Variants in IL1RAPL2 observed in about 807,000 individuals in gnomAD.
IL1RAPL2 encodes X-linked interleukin-1 receptor accessory protein-like 2.
Under a neutral mutation model 44.1 loss-of-function variants are expected in IL1RAPL2, and 3 were observed. That is an observed-to-expected ratio of 0.07 (90% CI 0.03 to 0.18). IL1RAPL2 has a LOEUF of 0.18. Among genes scored for constraint, IL1RAPL2 ranks in the 10% least tolerant of loss-of-function variants. IL1RAPL2 has a pLI of 1.00. For synonymous variants in IL1RAPL2, 181 were observed against 178.8 expected (o/e 1.01, Z -0.10); for missense variants, 391 against 496.4 (o/e 0.79, Z 2.02).
In IL1RAPL2 at chrX:104,893,898, T is replaced by G. The variant is rs766407750; in HGVS notation, c.82+234903T>G. The stretch of plus-strand genomic sequence containing the variant: ...TCCTAGCCTGGATGGTCTTTAAAAT[T>G]TGGCATGTTTTTGCAGTGGCTGGTA... On this transcript the variant is annotated intron_variant, in intron 2 of 10. Coordinates refer to ENST00000372582, the MANE Select transcript of IL1RAPL2 (RefSeq NM_017416.2). Among the ~76,000 whole-genome samples the G allele has an allele frequency of 3.4e-4, 38 of 112,211 alleles. 1 individual carries two copies. The highest frequency in any genetic ancestry group is 5.6e-4 in the East Asian group (2 of 3,563).
chrX:104,887,892 A>G (rs1222278028), intron 2 of IL1RAPL2, among the ~76,000 whole-genome samples: 1 of 111,720 alleles, frequency 9.0e-6, no homozygotes, highest in Non-Finnish European at 1.9e-5. Context: ...TCCCCCAGGG[A>G]CCAGCGCCCA....
intron 2 of IL1RAPL2, among the ~76,000 whole-genome samples, chrX:104,778,039 T>C (rs900308018): frequency 9.0e-6 from 1 of 111,522 alleles, no homozygotes; most frequent in Admixed American, 9.5e-5. Flanking sequence ...TTATTTTTGA[T>C]AGTAACTATC....
chrX:105,292,940 C>T (rs1603050589), intron 5 of IL1RAPL2, among the ~76,000 whole-genome samples: 1 of 109,000 alleles, frequency 9.2e-6, no homozygotes, highest in East Asian at 2.9e-4. Flanking sequence ...GGTGAAACTC[C>T]ATCTCTACTA....
chrX:105,223,959 G>A (rs1468757175), intron 3 of IL1RAPL2, among the ~76,000 whole-genome samples: 1 of 111,315 alleles, frequency 9.0e-6, no homozygotes, highest in Non-Finnish European at 1.9e-5. Context: ...TTGAATTATA[G>A]TTGAATGGCT....
chrX:104,636,473 A>C (rs1929809039), intron 1 of IL1RAPL2, among the ~76,000 whole-genome samples: 1 of 112,152 alleles, frequency 8.9e-6, no homozygotes, highest in Admixed American at 9.4e-5. Context: ...GGTCTCCTTG[A>C]GCTGCGGTGG....
chrX:105,070,120 T>G (rs2032187092), intron 2 of IL1RAPL2, among the ~76,000 whole-genome samples: 1 of 112,102 alleles, frequency 8.9e-6, no homozygotes, highest in Non-Finnish European at 1.9e-5. Context: ...CCTTATTATC[T>G]GGGCAAAACC....
chrX:105,043,140 A>T (rs1171006282), intron 2 of IL1RAPL2, among the ~76,000 whole-genome samples: 3 of 107,959 alleles, frequency 2.8e-5, no homozygotes, highest in Non-Finnish European at 5.8e-5. Flanking sequence ...ATGACGAGTT[A>T]GTGGGTTCAG....
At chrX:104,667,550 T>A (rs1569292927) in intron 2 of IL1RAPL2, among the ~76,000 whole-genome samples, 1 of 111,804 alleles carries the variant, frequency 8.9e-6, no homozygotes. Context: ...TTAGAGTAGC[T>A]AAATAATTTG....
rs574412707 is a variant in IL1RAPL2 at position 104,856,012 on chromosome X, C to T, written c.82+197017C>T. 4.5e-5 allele frequency among the ~76,000 whole-genome samples: 5 copies of T among 110,147 alleles called. No individual in the cohort carries two copies. In the South Asian group the frequency reaches 1.6e-3, roughly 35 times the overall value. Reference sequence around the variant, plus strand: ...TAATGAGGACAGTATAGCATCTTACCACATAAATTTGTGGTGTGAGTTAAA... The same window carrying T: ...TAATGAGGACAGTATAGCATCTTACTACATAAATTTGTGGTGTGAGTTAAA... On this transcript the variant is annotated intron_variant, in intron 2 of 10. Coordinates refer to ENST00000372582, the MANE Select transcript of IL1RAPL2 (RefSeq NM_017416.2).
At chrX:104,732,992 A>T (rs1022347824) in intron 2 of IL1RAPL2, among the ~76,000 whole-genome samples, 6 of 112,002 alleles carry the variant, frequency 5.4e-5, no homozygotes, top group African/African-American at 1.9e-4. Context: ...AAATTATTTA[A>T]TGTCTTTGAT....
chrX:105,471,895 T>G (rs1201264974), intron 5 of IL1RAPL2, among the ~76,000 whole-genome samples: 1 of 111,682 alleles, frequency 9.0e-6, no homozygotes, highest in African/African-American at 3.3e-5. Flanking sequence ...CTAAAGATAC[T>G]CTCAGAGAAA....
chrX:104,761,976 TTCTTCTTCC>T (rs1932465850), intron 2 of IL1RAPL2, among the ~76,000 whole-genome samples: 1 of 88,956 alleles, frequency 1.1e-5, no homozygotes, highest in Non-Finnish European at 2.2e-5. Context: ...CTTCTTCTTC[TTCTTCTTCC>T]TCCTCCTCCT....
intron 1 of IL1RAPL2, among the ~76,000 whole-genome samples, chrX:104,578,458 G>A (rs755904747): frequency 8.9e-6 from 1 of 111,799 alleles, no homozygotes; most frequent in South Asian, 3.8e-4. Flanking sequence ...ATCCTGAGCT[G>A]GATCTACCAG....
At chrX:105,220,870 C>T (rs2033955900) in intron 3 of IL1RAPL2, among the ~76,000 whole-genome samples, 1 of 111,879 alleles carries the variant, frequency 8.9e-6, no homozygotes, top group Non-Finnish European at 1.9e-5. Flanking sequence ...TCAGAAAAGA[C>T]TTAGAACCAA....
intron 2 of IL1RAPL2, among the ~76,000 whole-genome samples, chrX:105,060,074 G>A (rs972324799): frequency 9.0e-6 from 1 of 111,664 alleles, no homozygotes; most frequent in African/African-American, 3.3e-5. Flanking sequence ...CGCTAACAGT[G>A]TTCAAGGGCT....
At chrX:105,077,140 G>T (rs147701007) in intron 2 of IL1RAPL2, among the ~76,000 whole-genome samples, 14 of 111,517 alleles carry the variant, frequency 1.3e-4, no homozygotes, top group African/African-American at 4.6e-4. Context: ...TCCTAGCCTT[G>T]ATGGTCTTTA....
chrX:105,218,998 C>G (rs1361967785), intron 3 of IL1RAPL2: 5 of 1,208,256 alleles, frequency 4.1e-6, no homozygotes, highest in Non-Finnish European at 5.6e-6. Flanking sequence ...TCCCTTCCCA[C>G]AGTCGAAGCA....
chrX:105,578,548 A>C (rs1041763873), intron 6 of IL1RAPL2, among the ~76,000 whole-genome samples: 2 of 111,151 alleles, frequency 1.8e-5, no homozygotes, highest in African/African-American at 6.5e-5. Flanking sequence ...AGATAAGGAG[A>C]CAGAGAAACC....
chrX:105,635,475 A>C (rs2037516862), intron 6 of IL1RAPL2, among the ~76,000 whole-genome samples: 1 of 111,516 alleles, frequency 9.0e-6, no homozygotes, highest in African/African-American at 3.3e-5. Flanking sequence ...GAAGGTGTTT[A>C]GTTCCTACTT....
Sources: allele counts gnomAD v4.1 joint callset (sites outside exome capture counted in the v4.1 genomes callset), GRCh38; gene constraint gnomAD v4.1.1; transcripts MANE v1.5; gene names NCBI Gene and HGNC (gene_info 2026-07-23, HGNC 2026-07-21).